LOC128462377: variants seen among roughly 807,000 people sequenced by gnomAD.
the LOC128462377 span, among the ~76,000 whole-genome samples, chr16:89,383,559 G>A: frequency 1.3e-5 from 2 of 152,232 alleles, no homozygotes; most frequent in African/African-American, 4.8e-5. Context: ...AAGTTCCCAT[G>A]GAACAAAGCA....
the LOC128462377 span, among the ~76,000 whole-genome samples, chr16:89,372,100 G>A: frequency 2.6e-5 from 4 of 152,216 alleles, no homozygotes; most frequent in African/African-American, 2.4e-5. Flanking sequence ...CCACCACGGC[G>A]GGCACCCGGC....
the LOC128462377 span, among the ~76,000 whole-genome samples, chr16:89,331,116 G>A: frequency 6.6e-6 from 1 of 152,102 alleles, no homozygotes; most frequent in African/African-American, 2.4e-5. Flanking sequence ...ACCATGCCCG[G>A]CTAATTTTTC....
At chr16:89,319,620 C>A in the LOC128462377 span, among the ~76,000 whole-genome samples, 1 of 152,222 alleles carries the variant, frequency 6.6e-6, no homozygotes, top group African/African-American at 2.4e-5. Flanking sequence ...CAACCCCAGC[C>A]CCCGCCTCTC....
chr16:89,410,017 T>A, the LOC128462377 span, among the ~76,000 whole-genome samples: 2 of 152,104 alleles, frequency 1.3e-5, no homozygotes, highest in Admixed American at 6.5e-5. Flanking sequence ...TTTTTTGTAT[T>A]TTTAGTAGAG....
the LOC128462377 span, among the ~76,000 whole-genome samples, chr16:89,332,727 T>G: frequency 1.3e-5 from 2 of 152,136 alleles, no homozygotes; most frequent in African/African-American, 4.8e-5. Flanking sequence ...TGCACTGCCC[T>G]CTCTGAGGAA....
At chr16:89,417,438 G>A in the LOC128462377 span, among the ~76,000 whole-genome samples, 1 of 152,158 alleles carries the variant, frequency 6.6e-6, no homozygotes, top group African/African-American at 2.4e-5. Context: ...TGCGTCTCTG[G>A]AAGGAGGGAG....
chr16:89,330,752 C>T, the LOC128462377 span, among the ~76,000 whole-genome samples: 34 of 148,704 alleles, frequency 2.3e-4, 1 homozygote, highest in Non-Finnish European at 4.7e-4. Flanking sequence ...TGTTCCTCCT[C>T]GGCGAGTTCC....
chr16:89,373,724 G>A, the LOC128462377 span, among the ~76,000 whole-genome samples: 1 of 152,156 alleles, frequency 6.6e-6, no homozygotes, highest in Admixed American at 6.5e-5. Context: ...ACAACCCCAC[G>A]CGGGAGGCAT....
the LOC128462377 span, among the ~76,000 whole-genome samples, chr16:89,362,778 T>C: frequency 6.6e-6 from 1 of 152,218 alleles, no homozygotes; most frequent in East Asian, 1.9e-4. Flanking sequence ...TCACGGCCTG[T>C]TCCTCTTCCT....
chr16:89,376,152 T>C, the LOC128462377 span, among the ~76,000 whole-genome samples: 2 of 152,080 alleles, frequency 1.3e-5, no homozygotes, highest in African/African-American at 4.8e-5. Context: ...CACGGATATA[T>C]GAAAATGTGT....
At chr16:89,390,015 G>A in the LOC128462377 span, among the ~76,000 whole-genome samples, 2 of 74,018 alleles carry the variant, frequency 2.7e-5, no homozygotes, top group East Asian at 4.2e-4. Context: ...TCACTGGGGC[G>A]AACACCGAGT....
the LOC128462377 span, among the ~76,000 whole-genome samples, chr16:89,344,067 G>T: frequency 6.6e-6 from 1 of 152,112 alleles, no homozygotes; most frequent in Non-Finnish European, 1.5e-5. Context: ...TGCTCCCAGC[G>T]GAAGCTTTTG....
chr16:89,361,912 G>A, the LOC128462377 span, among the ~76,000 whole-genome samples: 1 of 152,238 alleles, frequency 6.6e-6, no homozygotes, highest in African/African-American at 2.4e-5. Flanking sequence ...GTAAAGGTCA[G>A]ACGGGGCAGC....
the LOC128462377 span, among the ~76,000 whole-genome samples, chr16:89,341,894 A>ACCT: frequency 2.4e-5 from 1 of 41,186 alleles, no homozygotes; most frequent in African/African-American, 7.9e-5. Context: ...GGAGTGCTGC[A>ACCT]CCTCCACCCA....
At chr16:89,409,168 C>T in the LOC128462377 span, among the ~76,000 whole-genome samples, 1 of 152,140 alleles carries the variant, frequency 6.6e-6, no homozygotes, top group Admixed American at 6.5e-5. Context: ...TAGGTGAAGC[C>T]GACGGTCTGA....
chr16:89,409,490 G>A, the LOC128462377 span, among the ~76,000 whole-genome samples: 4 of 152,198 alleles, frequency 2.6e-5, no homozygotes, highest in Admixed American at 6.5e-5. Context: ...ACAGGTGTGA[G>A]GGAGATGAGC....
At chr16:89,325,983 G>A in the LOC128462377 span, among the ~76,000 whole-genome samples, 1 of 152,310 alleles carries the variant, frequency 6.6e-6, no homozygotes, top group African/African-American at 2.4e-5. Context: ...ACACACTGCA[G>A]GGCACCCACT....
chr16:89,368,298 G>C, the LOC128462377 span, among the ~76,000 whole-genome samples: 1 of 148,496 alleles, frequency 6.7e-6, no homozygotes, highest in African/African-American at 2.5e-5. Flanking sequence ...CAGGTTACAA[G>C]CGATTCTCCT....
chr16:89,337,251 A>G, the LOC128462377 span, among the ~76,000 whole-genome samples: 4 of 151,924 alleles, frequency 2.6e-5, no homozygotes, highest in African/African-American at 9.6e-5. Flanking sequence ...AGGAAGCCCC[A>G]TGCCCAAATG....
Sources: allele counts gnomAD v4.1 joint callset (sites outside exome capture counted in the v4.1 genomes callset), GRCh38; gene constraint gnomAD v4.1.1; transcripts MANE v1.5.